Variants in RCL1 observed in about 807,000 individuals in gnomAD.
RCL1 encodes RNA 3'-terminal phosphate cyclase-like protein.
In RCL1, 24 loss-of-function variants were observed where a neutral mutation model predicts 42.4. The ratio of observed to expected loss-of-function variants is 0.57; its 90% CI spans 0.41 to 0.80. The LOEUF (loss-of-function observed/expected upper bound fraction) is 0.80, where lower values mean the gene tolerates loss of function less well. RCL1 is among the 30% of genes least tolerant of loss of function. The pLI is 0.00. For synonymous variants in RCL1, 228 were observed against 177.3 expected, an observed-to-expected ratio of 1.29 and a Z score of -2.27; for missense variants, 578 against 467.9, an observed-to-expected ratio of 1.24 and a Z score of -2.17.
intron 1 of RCL1, among the ~76,000 whole-genome samples, chr9:4,821,878 G>T (rs75350765): frequency 0.011 from 1,693 of 152,316 alleles, 29 homozygotes; most frequent in African/African-American, 0.039. Context: ...AGCCCTTGTG[G>T]CTTAATCACC....
Position 4,860,538 on chromosome 9 carries a change from C to T in RCL1, c.*263C>T, listed in dbSNP as rs558257005. The T allele has an allele frequency of 4.7e-6, 2 of 428,450 alleles. No individual in the cohort carries two copies. Among genetic ancestry groups the T allele is most frequent in the Admixed American group, 4.5e-5 (1 of 22,034 alleles). The allele number at this position is 428,450 out of a possible 1,614,324, so 26.5% of individuals were successfully genotyped here. A position where few individuals can be genotyped will look rare whatever the true frequency, so the allele number is the denominator to read the frequency against. Reference sequence around the variant, plus strand: ...CTTACCTGGAGGAAGAATGTGCCTTCAGGCCACAGTCGTGCTGCTAGAACA... The same window carrying T: ...CTTACCTGGAGGAAGAATGTGCCTTTAGGCCACAGTCGTGCTGCTAGAACA... On this transcript the variant is annotated 3_prime_UTR_variant, in exon 9 of 9. Coordinates refer to ENST00000381750, the MANE Select transcript of RCL1 (RefSeq NM_005772.5).
At chr9:4,820,949 A>C (rs1326920289) in intron 1 of RCL1, among the ~76,000 whole-genome samples, 1 of 152,188 alleles carries the variant, frequency 6.6e-6, no homozygotes, top group African/African-American at 2.4e-5. Flanking sequence ...AGTTATTCCA[A>C]CGTAGTTTAT....
intron 5 of RCL1, among the ~76,000 whole-genome samples, chr9:4,838,428 G>T (rs1161186682): frequency 6.6e-6 from 1 of 152,206 alleles, no homozygotes; most frequent in Non-Finnish European, 1.5e-5. Context: ...TAGTTTTGCA[G>T]TGCTGTCCTA....
At chr9:4,806,758 A>G (rs1181766880) in intron 1 of RCL1, among the ~76,000 whole-genome samples, 2 of 151,730 alleles carry the variant, frequency 1.3e-5, no homozygotes, top group South Asian at 2.1e-4. Flanking sequence ...TGGTTTTGGT[A>G]TCAGGGTAGC....
chr9:4,845,777 C>T (rs542927190), intron 7 of RCL1, among the ~76,000 whole-genome samples: 1 of 152,330 alleles, frequency 6.6e-6, no homozygotes, highest in Admixed American at 6.5e-5. Context: ...AAGAACTATA[C>T]TCTAGTTGAT....
At chr9:4,819,772 A>G (rs972747602) in intron 1 of RCL1, among the ~76,000 whole-genome samples, 2 of 152,222 alleles carry the variant, frequency 1.3e-5, no homozygotes, top group Non-Finnish European at 2.9e-5. Context: ...GCGCCACTGC[A>G]CTCCAGCCTG....
At chr9:4,808,588 C>A (rs1306168741) in intron 1 of RCL1, among the ~76,000 whole-genome samples, 1 of 152,106 alleles carries the variant, frequency 6.6e-6, no homozygotes, top group African/African-American at 2.4e-5. Context: ...GGATTATAGG[C>A]GTGAACCACT....
chr9:4,801,579 T>C (rs1843001222), intron 1 of RCL1, among the ~76,000 whole-genome samples: 1 of 152,216 alleles, frequency 6.6e-6, no homozygotes, highest in Non-Finnish European at 1.5e-5. Context: ...CTTCTTATTA[T>C]CTTAATATGG....
rs757761088 is a variant in RCL1, at chr9:4,826,887, C to G, written c.238C>G (p.Leu80Val). Residue 80 changes from leucine (L) to valine (V), a missense_variant, in exon 3 of 9, where the codon CTG (leucine) becomes GTG (valine). Transcript: ENST00000381750. ...GTTLYYQPGLLYGGSVEHDCS... is the reference protein window; with the variant it reads ...GTTLYYQPGLVYGGSVEHDCS... ...AACCTTATATTATCAGCCTGGCCTC[C>G]TGTATGGTGGATCTGTGGAACATGA... 1.2e-6 allele frequency: 2 copies of G among 1,614,074 alleles called. No individual in the cohort carries two copies. Among genetic ancestry groups the G allele is most frequent in the South Asian group, 1.1e-5 (1 of 91,054 alleles).
intron 8 of RCL1, 29 bp from the exon 9 acceptor site, chr9:4,860,096 A>G: frequency 7.0e-7 from 1 of 1,424,966 alleles, no homozygotes; most frequent in Non-Finnish European, 9.4e-7. Flanking sequence ...ATTTCTTTTT[A>G]TTTATTTATT....
chr9:4,845,388 A>G (rs1020889293), intron 7 of RCL1, among the ~76,000 whole-genome samples: 13 of 152,194 alleles, frequency 8.5e-5, no homozygotes, highest in Non-Finnish European at 1.2e-4. Context: ...GCTGAGACCA[A>G]TTTGCCCTCT....
intron 1 of RCL1, among the ~76,000 whole-genome samples, chr9:4,801,620 A>G (rs1843001728): frequency 6.6e-6 from 1 of 151,706 alleles, no homozygotes; most frequent in Non-Finnish European, 1.5e-5. Context: ...AATTTTAATG[A>G]TGTAGAATTT....
At chr9:4,826,448 T>C (rs985286471) in intron 2 of RCL1, among the ~76,000 whole-genome samples, 2 of 141,572 alleles carry the variant, frequency 1.4e-5, no homozygotes, top group African/African-American at 5.2e-5. Context: ...ATGAGAAATA[T>C]CATTTCAGGG....
chr9:4,810,742 A>G (rs1267669999), intron 1 of RCL1, among the ~76,000 whole-genome samples: 3 of 152,158 alleles, frequency 2.0e-5, no homozygotes, highest in African/African-American at 7.2e-5. Context: ...GACTGTAAAT[A>G]TATCTGAGGT....
chr9:4,842,783 C>T (rs762855806), intron 6 of RCL1, among the ~76,000 whole-genome samples: 5 of 152,054 alleles, frequency 3.3e-5, no homozygotes, highest in East Asian at 3.9e-4. Flanking sequence ...AGGGGATTTC[C>T]GAGGGATGGG....
chr9:4,832,994 C>T (rs1440617935), intron 3 of RCL1, among the ~76,000 whole-genome samples, 160 bp from the exon 4 acceptor site: 1 of 152,118 alleles, frequency 6.6e-6, no homozygotes, highest in Non-Finnish European at 1.5e-5. Context: ...CACAGTGTTC[C>T]TCAGGCAGAG....
At chr9:4,833,007 A>C in intron 3 of RCL1, 147 bp from the exon 4 acceptor site, 1 of 603,690 alleles carries the variant, frequency 1.7e-6, no homozygotes. Flanking sequence ...AGGCAGAGCC[A>C]GCCCACTCGC....
At chr9:4,802,481 A>G (rs1190403363) in intron 1 of RCL1, among the ~76,000 whole-genome samples, 1 of 152,218 alleles carries the variant, frequency 6.6e-6, no homozygotes, top group Non-Finnish European at 1.5e-5. Flanking sequence ...ATCCATGAAC[A>G]TGATCTGTCT....
In RCL1 at chr9:4,812,610, T is replaced by C. The variant is rs531502401; in HGVS notation, c.137-10938T>C. Among the ~76,000 whole-genome samples the C allele has an allele frequency of 2.1e-4, 32 of 152,276 alleles. No individual in the cohort carries two copies. The South Asian group carries it at 6.6e-3, about 32-fold the overall frequency. ...CTTTGTTCTTTTTTCTCAGAATTGC[T>C]TTGGCTGTTAAAGGTCTTTTGCGGG... On this transcript the variant is annotated intron_variant, in intron 1 of 8. Transcript: ENST00000381750.
Sources: allele counts gnomAD v4.1 joint callset (sites outside exome capture counted in the v4.1 genomes callset), GRCh38; gene constraint gnomAD v4.1.1; transcripts MANE v1.5; gene names NCBI Gene and HGNC (gene_info 2026-07-23, HGNC 2026-07-21).